Variants in XPO7 observed in about 807,000 individuals in gnomAD.
XPO7 encodes exportin-7.
Under a neutral mutation model 144.3 loss-of-function variants are expected in XPO7, and 21 were observed. The ratio of observed to expected loss-of-function variants is 0.15; its 90% CI spans 0.10 to 0.21. The LOEUF is 0.21. Among genes scored for constraint, XPO7 ranks in the 10% least tolerant of loss-of-function variants. The pLI, the probability that XPO7 is intolerant of heterozygous loss-of-function variation, is 1.00. For synonymous variants in XPO7, 580 were observed against 499.6 expected (o/e 1.16, Z -2.15); for missense variants, 808 against 1,325.8 (o/e 0.61, Z 6.06).
chr8:21,970,979 A>G (rs994181207), intron 4 of XPO7, among the ~76,000 whole-genome samples: 4 of 152,146 alleles, frequency 2.6e-5, no homozygotes, highest in African/African-American at 7.2e-5. Context: ...ACCCAGAACA[A>G]CTTTCAATCC....
At chr8:21,978,397 G>T (rs1478143311) in intron 8 of XPO7, among the ~76,000 whole-genome samples, 1 of 152,184 alleles carries the variant, frequency 6.6e-6, no homozygotes, top group East Asian at 1.9e-4. Context: ...TAAATTACCG[G>T]TTGGTGTTAT....
intron 2 of XPO7, 93 bp downstream of exon 2, chr8:21,967,096 T>C: frequency 6.8e-7 from 1 of 1,468,730 alleles, no homozygotes; most frequent in Non-Finnish European, 9.0e-7. Flanking sequence ...TGGCTTCTGT[T>C]CCCTGATTTT....
intron 1 of XPO7, among the ~76,000 whole-genome samples, chr8:21,953,330 T>G (rs915521621): frequency 6.6e-6 from 1 of 152,202 alleles, no homozygotes; most frequent in Non-Finnish European, 1.5e-5. Context: ...CTCTATTGTT[T>G]TGCCTTTTCC....
In XPO7 at chr8:21,994,349, G is replaced by A. The variant is rs751369775; in HGVS notation, c.2149-14G>A. 3 of 1,606,250 alleles carry A rather than the reference G, an allele frequency of 1.9e-6. No homozygotes were observed. The highest frequency in any genetic ancestry group is 1.1e-5 in the South Asian group (1 of 90,344). On this transcript the variant is annotated splice_polypyrimidine_tract_variant and intron_variant, in intron 19 of 27. Coordinates refer to ENST00000252512, the MANE Select transcript of XPO7 (RefSeq NM_015024.5). Reference sequence around the variant, plus strand: ...TTTTCTTCTATTTTAACACATTTTTGCCTTCTACTACAGCGAACTCTAGTT... The same window carrying A: ...TTTTCTTCTATTTTAACACATTTTTACCTTCTACTACAGCGAACTCTAGTT...
At chr8:21,944,181 T>G (rs1811082392) in intron 1 of XPO7, among the ~76,000 whole-genome samples, 1 of 152,196 alleles carries the variant, frequency 6.6e-6, no homozygotes, top group Admixed American at 6.5e-5. Flanking sequence ...ACTCTGACCA[T>G]GAGCTTTTCC....
chr8:21,978,697 A>C (rs943667839), intron 8 of XPO7, among the ~76,000 whole-genome samples: 1 of 152,184 alleles, frequency 6.6e-6, no homozygotes, highest in Admixed American at 6.5e-5. Flanking sequence ...AGTAGTGGGG[A>C]GCCTCAAAGG....
intron 16 of XPO7, among the ~76,000 whole-genome samples, 175 bp from the exon 17 acceptor site, chr8:21,990,169 G>A (rs1812722978): frequency 6.6e-6 from 1 of 151,984 alleles, no homozygotes; most frequent in Non-Finnish European, 1.5e-5. Flanking sequence ...TTTTCTTACT[G>A]ATTAAATAGT....
Position 21,991,929 on chromosome 8 carries a change from G to A in XPO7, c.2103G>A (p.Val701=). ...CACTCACAGCAGCATTTGAGGCTGTGGCCCAGATGTTTAGCACCAATAGTT... is the reference window on the plus strand; with the variant it reads ...CACTCACAGCAGCATTTGAGGCTGTAGCCCAGATGTTTAGCACCAATAGTT... The part of the protein sequence containing the change: ...MLPLTAAFEA[V]AQMFSTNSFN... The change falls in exon 19 of 28, where the codon GTG becomes GTA. Residue 701 remains valine, a synonymous_variant. Transcript: ENST00000252512. 1 of 1,613,702 alleles carries A rather than the reference G, an allele frequency of 6.2e-7. No individual in the cohort carries two copies. Among genetic ancestry groups the A allele is most frequent in the Non-Finnish European group, 8.5e-7 (1 of 1,179,844 alleles).
chr8:21,927,471 G>T (rs1443242607), intron 1 of XPO7, among the ~76,000 whole-genome samples: 2 of 150,976 alleles, frequency 1.3e-5, no homozygotes, highest in Non-Finnish European at 2.9e-5. Context: ...TACCCTAGAG[G>T]TTCCCAAAGG....
chr8:21,985,307 G>A (rs996584552), intron 12 of XPO7, among the ~76,000 whole-genome samples: 1 of 152,218 alleles, frequency 6.6e-6, no homozygotes, highest in Admixed American at 6.5e-5. Context: ...GGCCTGGCTG[G>A]TGTTTGTAAC....
chr8:21,930,892 G>T (rs1178443825), intron 1 of XPO7, among the ~76,000 whole-genome samples: 1 of 152,202 alleles, frequency 6.6e-6, no homozygotes, highest in Non-Finnish European at 1.5e-5. Context: ...AGAGTGCAGT[G>T]TTGCGATCTC....
At chr8:22,002,530 CCT>C (rs1338119072) in intron 25 of XPO7, among the ~76,000 whole-genome samples, 1 of 152,150 alleles carries the variant, frequency 6.6e-6, no homozygotes, top group Non-Finnish European at 1.5e-5. Flanking sequence ...TGATCACTAT[CCT>C]CTTTCTGTGA....
intron 1 of XPO7, among the ~76,000 whole-genome samples, chr8:21,933,700 T>C (rs890881560): frequency 6.6e-6 from 1 of 152,224 alleles, no homozygotes; most frequent in Admixed American, 6.5e-5. Flanking sequence ...ACCCCTTTTG[T>C]TTGCCCATAG....
At chr8:22,004,634 T>C (rs1246217842) in intron 27 of XPO7, among the ~76,000 whole-genome samples, 2 of 152,106 alleles carry the variant, frequency 1.3e-5, no homozygotes, top group Non-Finnish European at 2.9e-5. Flanking sequence ...ACGGTAGCCA[T>C]ATGTGGTTAG....
At position 21,966,243 on chromosome 8, in the gene XPO7, C is replaced by CTTT. The variant is rs1811878596; in HGVS notation, c.19-614_19-613insTTT. ...GACGCTTTCATTTTAAATTTGGAAC[C>CTTT]AAAGTAAGAGTTTAAAGTGCAACAG... On this transcript the variant is annotated intron_variant, in intron 1 of 27. Transcript: ENST00000252512. 3.9e-6 allele frequency: 3 copies of CTTT among 773,548 alleles called. No individual in the cohort carries two copies. In the South Asian group the frequency reaches 4.1e-5, roughly 11 times the overall value. The allele number at this position is 773,548 out of a possible 1,614,324, so 47.9% of individuals were successfully genotyped here. A position where few individuals can be genotyped will look rare whatever the true frequency, so the allele number is the denominator to read the frequency against.
chr8:21,969,626 G>A (rs1214226837), intron 3 of XPO7, 50 bp downstream of exon 3: 2 of 1,494,096 alleles, frequency 1.3e-6, no homozygotes, highest in Non-Finnish European at 1.9e-6. Flanking sequence ...TTTGTTTAGT[G>A]ATGTGCTAGT....
At position 21,980,170 on chromosome 8, in the gene XPO7, T is replaced by G; in HGVS notation, c.924T>G (p.Val308=). Residue 308 remains valine (V), a synonymous_variant, in exon 9 of 28, where the codon GTT becomes GTG. Transcript: ENST00000252512. ...GGGCCAAGTTTCTCTCTCATCTTGT[T>G]GATGGTGTTAAACGAATACTGGAAA... The part of the protein sequence containing the change: ...AERAKFLSHL[V]DGVKRILENP... The G allele has an allele frequency of 2.5e-6, 4 of 1,602,524 alleles. No individual in the cohort carries two copies. Among genetic ancestry groups the G allele is most frequent in the Non-Finnish European group, 3.4e-6 (4 of 1,173,866 alleles).
At chr8:22,000,678 C>G (rs1813111168) in intron 24 of XPO7, among the ~76,000 whole-genome samples, 1 of 152,080 alleles carries the variant, frequency 6.6e-6, no homozygotes, top group Non-Finnish European at 1.5e-5. Context: ...TAGTCTCAAT[C>G]TCCTGACCTC....
At chr8:21,969,991 T>C (rs895738841) in intron 3 of XPO7, 153 bp from the exon 4 acceptor site, 17 of 865,732 alleles carry the variant, frequency 2.0e-5, no homozygotes, top group Admixed American at 2.9e-5. Flanking sequence ...AAAGTCCCAT[T>C]TGGAACAGTA....
Sources: allele counts gnomAD v4.1 joint callset (sites outside exome capture counted in the v4.1 genomes callset), GRCh38; gene constraint gnomAD v4.1.1; transcripts MANE v1.5; gene names NCBI Gene and HGNC (gene_info 2026-07-23, HGNC 2026-07-21).